Variants in SERINC5 observed in about 807,000 individuals in gnomAD.
The protein encoded by SERINC5 is serine incorporator 5, also known as chromosome 5 open reading frame 12.
In SERINC5, 41 loss-of-function variants were observed where a neutral mutation model predicts 63.1. The ratio of observed to expected loss-of-function variants is 0.65; its 90% CI spans 0.51 to 0.84. The LOEUF is 0.84. Among genes scored for constraint, SERINC5 ranks in the 40% least tolerant of loss-of-function variants. The pLI is 0.00. For synonymous variants in SERINC5, 222 were observed against 215.2 expected (o/e 1.03, Z -0.28); for missense variants, 523 against 573.0 (o/e 0.91, Z 0.89).
chr5:80,247,478 C>G (rs758063122), intron 1 of SERINC5, among the ~76,000 whole-genome samples: 1 of 152,302 alleles, frequency 6.6e-6, no homozygotes, highest in East Asian at 1.9e-4. Flanking sequence ...CTCTCCTCAA[C>G]CGTGCCTACA....
intron 1 of SERINC5, among the ~76,000 whole-genome samples, chr5:80,227,429 G>A (rs1580193531): frequency 6.6e-6 from 1 of 151,992 alleles, no homozygotes; most frequent in African/African-American, 2.4e-5. Flanking sequence ...CTCTAGAGCA[G>A]AGCTGTCTCT....
chr5:80,223,617 C>A (rs1379599807), intron 1 of SERINC5, among the ~76,000 whole-genome samples: 1 of 152,046 alleles, frequency 6.6e-6, no homozygotes, highest in Non-Finnish European at 1.5e-5. Context: ...GAATATCCCA[C>A]CCTGAGAGCA....
chr5:80,136,610 A>G (rs547786250), downstream of SERINC5, among the ~76,000 whole-genome samples: 2 of 152,334 alleles, frequency 1.3e-5, no homozygotes, highest in African/African-American at 4.8e-5. Context: ...AGACAAGATT[A>G]CATCAAACTG....
intron 6 of SERINC5, 44 bp from the exon 7 acceptor site, chr5:80,166,522 AAAAG>A: frequency 2.2e-6 from 3 of 1,372,666 alleles, no homozygotes; most frequent in Non-Finnish European, 3.0e-6. Flanking sequence ...AATTTGAAGA[AAAAG>A]AAAGCACATG....
intron 1 of SERINC5, among the ~76,000 whole-genome samples, chr5:80,212,575 G>A (rs1395230751): frequency 6.7e-6 from 1 of 149,658 alleles, no homozygotes; most frequent in Non-Finnish European, 1.5e-5. Flanking sequence ...CCAACATTGT[G>A]TGGCTTAATC....
intron 4 of SERINC5, among the ~76,000 whole-genome samples, chr5:80,176,767 T>A (rs1444461821): frequency 6.6e-6 from 1 of 152,128 alleles, no homozygotes; most frequent in Non-Finnish European, 1.5e-5. Context: ...CTTAGGAAAG[T>A]GAATCCATTT....
intron 1 of SERINC5, among the ~76,000 whole-genome samples, chr5:80,222,234 A>G (rs1041827283): frequency 1.2e-4 from 19 of 152,162 alleles, no homozygotes; most frequent in African/African-American, 4.6e-4. Flanking sequence ...GAACAAACAC[A>G]GAGGACGCAG....
intron 1 of SERINC5, among the ~76,000 whole-genome samples, chr5:80,246,491 TGA>T (rs1046793750): frequency 2.0e-5 from 3 of 152,224 alleles, no homozygotes; most frequent in Non-Finnish European, 4.4e-5. Flanking sequence ...ACAGTTTTCA[TGA>T]GAGAGTGAAA....
intron 8 of SERINC5, chr5:80,158,059 T>C (rs1746653632): frequency 6.6e-6 from 1 of 152,232 alleles, no homozygotes; most frequent in East Asian, 1.9e-4. Flanking sequence ...AATTGAATTT[T>C]TATACTGAAC....
intron 1 of SERINC5, among the ~76,000 whole-genome samples, chr5:80,212,667 G>A (rs1408451813): frequency 7.2e-6 from 1 of 138,422 alleles, no homozygotes; most frequent in Non-Finnish European, 1.6e-5. Flanking sequence ...TGGTGGGGTG[G>A]GGGGGGGGTG....
intron 1 of SERINC5, among the ~76,000 whole-genome samples, chr5:80,251,589 A>C (rs1431864697): frequency 6.6e-6 from 1 of 151,886 alleles, no homozygotes; most frequent in African/African-American, 2.4e-5. Flanking sequence ...AATTAGCCAG[A>C]TGTAGTGGCA....
intron 2 of SERINC5, among the ~76,000 whole-genome samples, chr5:80,195,751 C>G (rs1353954842): frequency 6.6e-6 from 1 of 152,220 alleles, no homozygotes; most frequent in Non-Finnish European, 1.5e-5. Flanking sequence ...TTTAACATGT[C>G]ACTGTAAACA....
chr5:80,241,301 T>C (rs1196755806), intron 1 of SERINC5, among the ~76,000 whole-genome samples: 1 of 151,876 alleles, frequency 6.6e-6, no homozygotes, highest in Non-Finnish European at 1.5e-5. Flanking sequence ...AAACCCCATC[T>C]CTACTAAAAA....
intron 2 of SERINC5, among the ~76,000 whole-genome samples, chr5:80,187,943 G>C (rs918975958): frequency 3.3e-5 from 5 of 152,192 alleles, no homozygotes; most frequent in Admixed American, 3.3e-4. Context: ...CACAGATGCA[G>C]AACAGGATTC....
rs1196495058 is a variant in SERINC5 at position 80,141,694 on chromosome 5, A to G, written c.*1969T>C. The G allele has an allele frequency of 1.0e-6, 1 of 985,436 alleles. No individual in the cohort carries two copies. The highest frequency in any genetic ancestry group is 1.7e-5 in the African/African-American group (1 of 57,238). 61.0% of individuals were successfully genotyped at this position (985,436 alleles called of 1,614,324 possible). On this transcript the variant is annotated 3_prime_UTR_variant, in exon 12 of 12. Transcript: ENST00000507668. ...CACTCCCTGAGCCCATTCCTGGCCC[A>G]CGGAACTCCTGTCCCCTAACTGATT...
intron 1 of SERINC5, among the ~76,000 whole-genome samples, chr5:80,223,401 A>G (rs1012274953): frequency 7.9e-5 from 12 of 152,160 alleles, no homozygotes; most frequent in African/African-American, 2.2e-4. Flanking sequence ...TTGTTGTGCT[A>G]TATTTTTTAA....
chr5:80,140,305 CAAAAAAAAAAAAAAAAAAA>C lies in SERINC5; in HGVS notation c.*3339_*3357del, dbSNP rs55718546. 1 of 475,184 alleles carries C rather than the reference CAAAAAAAAAAAAAAAAAAA, an allele frequency of 2.1e-6. No homozygotes were observed. Among genetic ancestry groups the C allele is most frequent in the Non-Finnish European group, 2.4e-6 (1 of 418,376 alleles). The allele number at this position is 475,184 out of a possible 1,614,324, so 29.4% of individuals were successfully genotyped here. A position where few individuals can be genotyped will look rare whatever the true frequency, so the allele number is the denominator to read the frequency against. ...GTGGCTGACAGAGTGAGCCCGTCTCCAAAAAAAAAAAAAAAAAAAAAAAAAAAGGCTTAGGGTGACAATT... is the reference window on the plus strand; with the variant it reads ...GTGGCTGACAGAGTGAGCCCGTCTCCAAAAAAAAGGCTTAGGGTGACAATT... On this transcript the variant is annotated 3_prime_UTR_variant, in exon 12 of 12. Coordinates refer to ENST00000507668, the MANE Select transcript of SERINC5 (RefSeq NM_001174072.3).
At chr5:80,229,271 G>A (rs541203840) in intron 1 of SERINC5, among the ~76,000 whole-genome samples, 82 of 151,090 alleles carry the variant, frequency 5.4e-4, no homozygotes, top group African/African-American at 1.7e-3. Context: ...TGATCCACCT[G>A]CCTTGGTCTC....
chr5:80,222,079 T>C (rs1461285340), intron 1 of SERINC5, among the ~76,000 whole-genome samples: 1 of 151,892 alleles, frequency 6.6e-6, no homozygotes, highest in Non-Finnish European at 1.5e-5. Flanking sequence ...ACGCAGGAGG[T>C]GGAGGTTGCA....
Sources: gnomAD v4.1 joint callset for allele counts (sites outside exome capture counted in the v4.1 genomes callset) on GRCh38, gnomAD v4.1.1 for gene constraint, MANE v1.5 for transcripts, NCBI Gene and HGNC (gene_info 2026-07-23, HGNC 2026-07-21) for gene names.